Variants in POFUT2 observed in about 807,000 individuals in gnomAD.
POFUT2 encodes GDP-fucose protein O-fucosyltransferase 2.
In POFUT2, 30 loss-of-function variants were observed where a neutral mutation model predicts 55.0. That is an observed-to-expected ratio of 0.55 (90% CI 0.41 to 0.74). The LOEUF (loss-of-function observed/expected upper bound fraction) is 0.74, where lower values mean the gene tolerates loss of function less well. POFUT2 is among the 30% of genes least tolerant of loss of function. The probability of loss-of-function intolerance (pLI) is 0.00; values close to 1 mark genes in which losing one functional copy is unlikely to be tolerated. For missense variants in POFUT2, 524 were observed against 562.6 expected (o/e 0.93, Z 0.69); for synonymous variants, 267 against 231.1 (o/e 1.16, Z -1.41).
At position 45,268,938 on chromosome 21, in the gene POFUT2, C is replaced by A. The variant is rs1412705457; in HGVS notation, c.1012+901G>T. On this transcript the variant is annotated intron_variant, in intron 7 of 8. Transcript: ENST00000349485. ...GGGGTCAGCCCCCCGCCTGGCCAGCCGCCCCGTCCGGGAGGTGAGGGGCGC... is the reference window on the plus strand; with the variant it reads ...GGGGTCAGCCCCCCGCCTGGCCAGCAGCCCCGTCCGGGAGGTGAGGGGCGC... Among the ~76,000 whole-genome samples, 13 of 99,320 alleles carry A rather than the reference C, an allele frequency of 1.3e-4. 4 individuals carry two copies. Among genetic ancestry groups the A allele is most frequent in the Non-Finnish European group, 2.7e-4 (13 of 48,308 alleles). The allele number at this position is 99,320 out of a possible 152,430, so 65.2% of individuals were successfully genotyped here.
In POFUT2 at chr21:45,285,319, G is replaced by C. The variant is rs1447957451; in HGVS notation, c.382+359C>G. ...CACCACGAAGCATACTCCACACGCAGTGCGTCTTCCTGAACGTAAAACAGC... is the reference window on the plus strand; with the variant it reads ...CACCACGAAGCATACTCCACACGCACTGCGTCTTCCTGAACGTAAAACAGC... On this transcript the variant is annotated intron_variant, in intron 2 of 8. Transcript: ENST00000349485. The surrounding 1 kb of genome is among the most constrained non-coding windows in gnomAD (Gnocchi z 4.9). 5.7e-6 allele frequency: 2 copies of C among 349,452 alleles called. No individual in the cohort carries two copies. The highest frequency in any genetic ancestry group is 1.1e-5 in the Non-Finnish European group (2 of 179,590). 21.6% of individuals were successfully genotyped at this position (349,452 alleles called of 1,614,324 possible). A position where few individuals can be genotyped will look rare whatever the true frequency, so the allele number is the denominator to read the frequency against.
At chr21:45,283,242 G>T in intron 3 of POFUT2, 141 bp downstream of exon 3, 1 of 437,480 alleles carries the variant, frequency 2.3e-6, no homozygotes, top group East Asian at 4.4e-5. Context: ...GGGGGAGGCG[G>T]GGTGCTGCAG....
intron 8 of POFUT2, chr21:45,266,811 C>T (rs2838862): frequency 0.34 from 339,027 of 996,886 alleles, 57,974 homozygotes; most frequent in South Asian, 0.49. Context: ...CCCACAGAGA[C>T]GCACGCGTGT....
chr21:45,266,537 G>A lies in POFUT2; in HGVS notation c.1137-902C>T, dbSNP rs529609134. The stretch of plus-strand genomic sequence containing the variant: ...CTGCGGAGACAGCACCGCCAAGGTC[G>A]CAGTCAAAATCCCAAGGCCACACCT... On this transcript the variant is annotated intron_variant, in intron 8 of 8. Transcript: ENST00000349485. The A allele has an allele frequency of 5.1e-5, 55 of 1,075,614 alleles. No individual in the cohort carries two copies. In the African/African-American group the frequency reaches 6.0e-4, roughly 12 times the overall value. 66.6% of individuals were successfully genotyped at this position (1,075,614 alleles called of 1,614,324 possible).
Position 45,277,716 on chromosome 21 carries a change from G to A in POFUT2, c.705+387C>T. On this transcript the variant is annotated intron_variant, in intron 5 of 8. Transcript: ENST00000349485. The surrounding 1 kb of genome is among the most constrained non-coding windows in gnomAD (Gnocchi z 6.9). ...GGCTATGGGAAGTCACCCCATCAAT[G>A]CGGAAATCAACGCCAACGGAAAAGA... 1 of 246,422 alleles carries A rather than the reference G, an allele frequency of 4.1e-6. No homozygotes were observed. The allele number at this position is 246,422 out of a possible 1,614,324, so 15.3% of individuals were successfully genotyped here.
At chr21:45,275,078 A>G (rs146184628) in intron 6 of POFUT2, among the ~76,000 whole-genome samples, 204 of 152,362 alleles carry the variant, frequency 1.3e-3, no homozygotes, top group African/African-American at 4.9e-3. Flanking sequence ...ACAGATCAGC[A>G]TGAAAAAACA....
rs549330996 is a variant in POFUT2 at position 45,270,117 on chromosome 21, T to C, written c.832-98A>G. On this transcript the variant is annotated intron_variant, in intron 6 of 8. Coordinates refer to ENST00000349485, the MANE Select transcript of POFUT2 (RefSeq NM_133635.6). The surrounding 1 kb of genome is among the most constrained non-coding windows in gnomAD (Gnocchi z 4.6). Reference sequence around the variant, plus strand: ...CTCGAGACGCAGAGGGATGACCCTTTCCATGTGGCCTCCTCCACGGGGTGG... The same window carrying C: ...CTCGAGACGCAGAGGGATGACCCTTCCCATGTGGCCTCCTCCACGGGGTGG... 143 of 955,286 alleles carry C rather than the reference T, an allele frequency of 1.5e-4. No homozygotes were observed. In the African/African-American group the frequency reaches 2.2e-3, roughly 15 times the overall value. The allele number at this position is 955,286 out of a possible 1,614,324, so 59.2% of individuals were successfully genotyped here. A position where few individuals can be genotyped will look rare whatever the true frequency, so the allele number is the denominator to read the frequency against.
At chr21:45,283,190 C>T (rs1005281461) in intron 3 of POFUT2, among the ~76,000 whole-genome samples, 193 bp downstream of exon 3, 15 of 138,186 alleles carry the variant, frequency 1.1e-4, no homozygotes, top group East Asian at 2.3e-4. Flanking sequence ...GCGGGGGAGG[C>T]GGTTGCGGCC....
Position 45,277,441 on chromosome 21 carries a change from G to A in POFUT2, c.706-299C>T, listed in dbSNP as rs1217537946. 8 of 406,462 alleles carry A rather than the reference G, an allele frequency of 2.0e-5. No individual in the cohort carries two copies. The highest frequency in any genetic ancestry group is 1.2e-4 in the South Asian group (5 of 40,852). 25.2% of individuals were successfully genotyped at this position (406,462 alleles called of 1,614,324 possible). A position where few individuals can be genotyped will look rare whatever the true frequency, so the allele number is the denominator to read the frequency against. On this transcript the variant is annotated intron_variant, in intron 5 of 8. Coordinates refer to ENST00000349485, the MANE Select transcript of POFUT2 (RefSeq NM_133635.6). The surrounding 1 kb of genome is among the most constrained non-coding windows in gnomAD (Gnocchi z 6.9). ...CGTTGCCCCTGGCTGGCACAACTGT[G>A]TGCAGCTCCTTCCCCTCAGTCTCTC...
intron 7 of POFUT2, among the ~76,000 whole-genome samples, chr21:45,268,707 C>A (rs1371311585): frequency 2.7e-5 from 4 of 149,554 alleles, no homozygotes; most frequent in African/African-American, 9.9e-5. Context: ...CGTCTCTGCC[C>A]GGCCGCCCCG....
At chr21:45,266,147 T>C in intron 8 of POFUT2, 3 of 1,366,108 alleles carry the variant, frequency 2.2e-6, no homozygotes, top group Non-Finnish European at 2.9e-6. Flanking sequence ...CAGGGGTTTC[T>C]CCAGACCTCA....
At position 45,265,822 on chromosome 21, in the gene POFUT2, C is replaced by T. The variant is rs193215157; in HGVS notation, c.1137-187G>A. ...CTGGCACCCCTCGCTCAGGTGCCCT[C>T]GACATCGGCGCCCTGAGGGGCTCTG... On this transcript the variant is annotated intron_variant, in intron 8 of 8. Coordinates refer to ENST00000349485, the MANE Select transcript of POFUT2 (RefSeq NM_133635.6). The surrounding 1 kb of genome is among the most constrained non-coding windows in gnomAD (Gnocchi z 4.6). 2.1e-5 allele frequency: 30 copies of T among 1,407,214 alleles called. No individual in the cohort carries two copies. In the African/African-American group the frequency reaches 3.0e-4, roughly 14 times the overall value. The allele number at this position is 1,407,214 out of a possible 1,614,324, so 87.2% of individuals were successfully genotyped here. A position where few individuals can be genotyped will look rare whatever the true frequency, so the allele number is the denominator to read the frequency against.
chr21:45,265,959 C>G lies in POFUT2; in HGVS notation c.1137-324G>C. On this transcript the variant is annotated intron_variant, in intron 8 of 8. Transcript: ENST00000349485. This position sits in a 1 kb window ranked among gnomAD's most constrained non-coding sequence, Gnocchi z 4.6. ...CCGTCACCAAATCCCAGGCCAGGCA[C>G]GCCAGTGCAGGTCGAATACCTCCTG... The G allele has an allele frequency of 8.0e-7, 1 of 1,248,612 alleles. No individual in the cohort carries two copies. The highest frequency in any genetic ancestry group is 1.0e-6 in the Non-Finnish European group (1 of 979,466). 77.3% of individuals were successfully genotyped at this position (1,248,612 alleles called of 1,614,324 possible). A position where few individuals can be genotyped will look rare whatever the true frequency, so the allele number is the denominator to read the frequency against.
rs2030690767 is a variant in POFUT2, at chr21:45,281,917, G to A, written c.638+432C>T. On this transcript the variant is annotated intron_variant, in intron 4 of 8. Coordinates refer to ENST00000349485, the MANE Select transcript of POFUT2 (RefSeq NM_133635.6). The surrounding 1 kb of genome is among the most constrained non-coding windows in gnomAD (Gnocchi z 5.0). ...GGCGACCACTTGAGGCAGACGCATG[G>A]CCAAAGGTGGCTGCATGATCCTCCC... 6.6e-6 allele frequency among the ~76,000 whole-genome samples: 1 copy of A among 152,122 alleles called. No individual in the cohort carries two copies. Among genetic ancestry groups the A allele is most frequent in the South Asian group, 2.1e-4 (1 of 4,826 alleles).
chr21:45,272,984 G>A (rs2093231624), intron 6 of POFUT2, among the ~76,000 whole-genome samples: 1 of 151,988 alleles, frequency 6.6e-6, no homozygotes, highest in South Asian at 2.1e-4. Context: ...ATACCTCAAG[G>A]AATGAGAGAA....
At position 45,284,478 on chromosome 21, in the gene POFUT2, C is replaced by G. The variant is rs1244308216; in HGVS notation, c.383-951G>C. On this transcript the variant is annotated intron_variant, in intron 2 of 8. Transcript: ENST00000349485. This position sits in a 1 kb window ranked among gnomAD's most constrained non-coding sequence, Gnocchi z 5.8. ...CCTAGGACAGGCACCCAGTTCCTTC[C>G]CCACCTCACAGGCGAGGAAACAGCT... Among the ~76,000 whole-genome samples the G allele has an allele frequency of 6.6e-6, 1 of 152,176 alleles. No homozygotes were observed. The highest frequency in any genetic ancestry group is 2.4e-5 in the African/African-American group (1 of 41,432).
intron 4 of POFUT2, 42 bp from the exon 5 acceptor site, chr21:45,278,211 A>G: frequency 6.6e-7 from 1 of 1,521,902 alleles, no homozygotes. Flanking sequence ...ATAAGAGTTA[A>G]GGATGATGAC....
chr21:45,275,665 T>C (rs1228298355), intron 6 of POFUT2, among the ~76,000 whole-genome samples: 4 of 152,162 alleles, frequency 2.6e-5, no homozygotes, highest in Admixed American at 2.0e-4. Flanking sequence ...AACCAAATAT[T>C]GTATGTTCTC....
In POFUT2 at chr21:45,267,270, G is replaced by C; in HGVS notation, c.1136+320C>G. 3.5e-6 allele frequency: 5 copies of C among 1,440,852 alleles called. No homozygotes were observed. Among genetic ancestry groups the C allele is most frequent in the Non-Finnish European group, 4.5e-6 (5 of 1,103,514 alleles). The allele number at this position is 1,440,852 out of a possible 1,614,324, so 89.3% of individuals were successfully genotyped here. A position where few individuals can be genotyped will look rare whatever the true frequency, so the allele number is the denominator to read the frequency against. On this transcript the variant is annotated intron_variant, in intron 8 of 8. Transcript: ENST00000349485. This position sits in a 1 kb window ranked among gnomAD's most constrained non-coding sequence, Gnocchi z 4.4. ...CAGGGCACGGGCAACTCTCAGGGCAGGGGGCAGACAGGGGCAGAAACCGGG... is the reference window on the plus strand; with the variant it reads ...CAGGGCACGGGCAACTCTCAGGGCACGGGGCAGACAGGGGCAGAAACCGGG...
Sources: gnomAD v4.1 joint callset for allele counts (sites outside exome capture counted in the v4.1 genomes callset) on GRCh38, gnomAD v4.1.1 for gene constraint, Gnocchi (gnomAD v3.1) non-coding constraint, MANE v1.5 for transcripts, NCBI Gene and HGNC (gene_info 2026-07-23, HGNC 2026-07-21) for gene names.